Variants in ZNF462 observed in about 807,000 individuals in gnomAD.
The protein encoded by ZNF462 is zinc finger protein 462.
Under a neutral mutation model 201.9 loss-of-function variants are expected in ZNF462, and 10 were observed. The ratio of observed to expected loss-of-function variants is 0.05; its 90% CI spans 0.03 to 0.08. The LOEUF is 0.08. Among genes scored for constraint, ZNF462 ranks in the 10% least tolerant of loss-of-function variants. The pLI is 1.00. For synonymous variants in ZNF462, 1,227 were observed against 1,193.3 expected (o/e 1.03, Z -0.58); for missense variants, 2,523 against 3,168.3 (o/e 0.80, Z 4.89).
Position 106,923,491 on chromosome 9 carries a change from T to C in ZNF462, c.108T>C (p.Val36=). The C allele has an allele frequency of 6.2e-7, 1 of 1,614,246 alleles. No homozygotes were observed. Among genetic ancestry groups the C allele is most frequent in the Non-Finnish European group, 8.5e-7 (1 of 1,180,046 alleles). Residue 36 remains valine, a synonymous_variant, in exon 2 of 13, where the codon GTT becomes GTC. Coordinates refer to ENST00000277225, the MANE Select transcript of ZNF462 (RefSeq NM_021224.6). The surrounding 1 kb of genome is among the most constrained non-coding windows in gnomAD (Gnocchi z 5.6). ...CGGCATTTCTGCAGCCAACTGATGT[T>C]GCTGAGGACAATGTGAATGAGCTAC... is the stretch of plus-strand genomic sequence containing the variant. ...VHTAFLQPTD[V]AEDNVNELRC... is the part of the protein sequence containing the mutation.
intron 9 of ZNF462, among the ~76,000 whole-genome samples, chr9:106,983,750 C>A (rs1444448737): frequency 6.6e-6 from 1 of 152,160 alleles, no homozygotes; most frequent in Non-Finnish European, 1.5e-5. Flanking sequence ...TGGTGAATGT[C>A]AGTTTCTTTC....
chr9:106,982,713 C>T (rs367811253), intron 9 of ZNF462, among the ~76,000 whole-genome samples: 3 of 152,182 alleles, frequency 2.0e-5, no homozygotes, highest in African/African-American at 4.8e-5. Flanking sequence ...CCACCTTCCA[C>T]GCTTCCTCTG....
At position 106,870,011 on chromosome 9, in the gene ZNF462, G is replaced by A. The variant is rs1178256595; in HGVS notation, c.-31+6656G>A. Among the ~76,000 whole-genome samples the A allele has an allele frequency of 6.6e-6, 1 of 152,130 alleles. No individual in the cohort carries two copies. Among genetic ancestry groups the A allele is most frequent in the Non-Finnish European group, 1.5e-5 (1 of 68,026 alleles). ...AATTTGGATTTACATTTTGTGCTTG[G>A]AAATGCTATCATAAAATTTATCTTT... On this transcript the variant is annotated intron_variant, in intron 1 of 12. Coordinates refer to ENST00000277225, the MANE Select transcript of ZNF462 (RefSeq NM_021224.6). This position sits in a 1 kb window ranked among gnomAD's most constrained non-coding sequence, Gnocchi z 4.3.
At chr9:106,874,936 G>A (rs1383086548) in intron 1 of ZNF462, among the ~76,000 whole-genome samples, 2 of 152,220 alleles carry the variant, frequency 1.3e-5, no homozygotes, top group African/African-American at 4.8e-5. Flanking sequence ...AGTGTTAAAT[G>A]TTAGGTGATT....
chr9:106,993,570 G>T lies in ZNF462; in HGVS notation c.7056+9161G>T, dbSNP rs756560648. On this transcript the variant is annotated intron_variant, in intron 10 of 12. Coordinates refer to ENST00000277225, the MANE Select transcript of ZNF462 (RefSeq NM_021224.6). This position sits in a 1 kb window ranked among gnomAD's most constrained non-coding sequence, Gnocchi z 4.0. ...CCCTGTCTGTTTTTAATCTCAGTGG[G>T]TCCTCTAGAAGGTTGACTAGTGTAG... 1.3e-5 allele frequency among the ~76,000 whole-genome samples: 2 copies of T among 151,674 alleles called. No individual in the cohort carries two copies. The highest frequency in any genetic ancestry group is 2.4e-5 in the African/African-American group (1 of 41,286).
rs529550404 is a variant in ZNF462, at chr9:106,922,211, A to T, written c.-30-1143A>T. Among the ~76,000 whole-genome samples, 335 of 152,338 alleles carry T rather than the reference A, an allele frequency of 2.2e-3. 3 individuals carry two copies. Among genetic ancestry groups the T allele is most frequent in the African/African-American group, 7.8e-3 (325 of 41,574 alleles). On this transcript the variant is annotated intron_variant, in intron 1 of 12. Transcript: ENST00000277225. ...GGACATCTGGTTCTAGATTACAGTG[A>T]CTCAGTAGAGTTTGTGATGATCTTA...
At chr9:106,907,076 T>G (rs1381331121) in intron 1 of ZNF462, among the ~76,000 whole-genome samples, 1 of 152,174 alleles carries the variant, frequency 6.6e-6, no homozygotes, top group Non-Finnish European at 1.5e-5. Context: ...ATTTTCTTTT[T>G]TGACATTTTA....
chr9:106,925,561 C>T lies in ZNF462; in HGVS notation c.1649C>T (p.Pro550Leu), dbSNP rs765625186. The change falls in exon 3 of 13, where the codon CCG becomes CTG. Residue 550 changes from proline to leucine, a missense_variant. Transcript: ENST00000277225. This position sits in a 1 kb window ranked among gnomAD's most constrained non-coding sequence, Gnocchi z 7.9. The stretch of plus-strand genomic sequence containing the variant: ...CCACCGCAGCCACCACCACCGCCGC[C>T]GCCACCACCACCATCACAGCCACAG... ...QQPPQPPPPP[P>L]PPPPSQPQPL... 9.9e-6 allele frequency: 16 copies of T among 1,612,270 alleles called. No homozygotes were observed. The highest frequency in any genetic ancestry group is 1.4e-5 in the Non-Finnish European group (16 of 1,179,254).
chr9:106,863,266 C>T lies in ZNF462; in HGVS notation c.-120C>T. On this transcript the variant is annotated 5_prime_UTR_variant, in exon 1 of 13. Transcript: ENST00000277225. ...CCCAAACAACTTCCACAACAATAAC[C>T]CGAGCAGGAAGAGGAGAAAGAGAAA... 2.5e-6 allele frequency: 1 copy of T among 399,156 alleles called. No individual in the cohort carries two copies. The highest frequency in any genetic ancestry group is 4.4e-6 in the Non-Finnish European group (1 of 226,256). 24.7% of individuals were successfully genotyped at this position (399,156 alleles called of 1,614,324 possible). A position where few individuals can be genotyped will look rare whatever the true frequency, so the allele number is the denominator to read the frequency against.
chr9:106,991,288 TAAG>T (rs888762755), intron 10 of ZNF462, among the ~76,000 whole-genome samples: 13 of 151,982 alleles, frequency 8.6e-5, no homozygotes, highest in Admixed American at 3.3e-4. Flanking sequence ...AATGAAATTT[TAAG>T]AAGATCAGTT....
At chr9:106,944,050 T>C (rs141090191) in intron 7 of ZNF462, among the ~76,000 whole-genome samples, 192 of 152,288 alleles carry the variant, frequency 1.3e-3, no homozygotes, top group African/African-American at 4.5e-3. Context: ...AAGCTGAAGG[T>C]TGAGACAGGG....
rs1314520899 is a variant in ZNF462, at chr9:106,974,881, A to G, written c.6832+608A>G. 2 of 153,538 alleles carry G rather than the reference A, an allele frequency of 1.3e-5. No individual in the cohort carries two copies. Among genetic ancestry groups the G allele is most frequent in the Admixed American group, 1.3e-4 (2 of 15,612 alleles). The allele number at this position is 153,538 out of a possible 1,614,324, so 9.5% of individuals were successfully genotyped here. Reference sequence around the variant, plus strand: ...ACCTCTCCATCCATTAAAAGAGATGATTGTACCTATGAGATAATGGGTAAA... The same window carrying G: ...ACCTCTCCATCCATTAAAAGAGATGGTTGTACCTATGAGATAATGGGTAAA... On this transcript the variant is annotated intron_variant, in intron 9 of 12. Transcript: ENST00000277225. This position sits in a 1 kb window ranked among gnomAD's most constrained non-coding sequence, Gnocchi z 4.0.
At position 106,900,089 on chromosome 9, in the gene ZNF462, G is replaced by A. The variant is rs149915232; in HGVS notation, c.-30-23265G>A. ...CTCCCAAATATCAGTGAGAACATAC[G>A]ATGTTTGGTTTTCCATTCCTGAGTT... On this transcript the variant is annotated intron_variant, in intron 1 of 12. Coordinates refer to ENST00000277225, the MANE Select transcript of ZNF462 (RefSeq NM_021224.6). 6.4e-3 allele frequency among the ~76,000 whole-genome samples: 974 copies of A among 151,614 alleles called. 14 individuals carry two copies. Among genetic ancestry groups the A allele is most frequent in the African/African-American group, 0.023 (945 of 41,268 alleles).
chr9:106,929,518 A>T lies in ZNF462; in HGVS notation c.5606A>T (p.His1869Leu). Residue 1869 changes from histidine to leucine, a missense_variant, in exon 3 of 13, where the codon CAC (histidine) becomes CTC (leucine). Physicochemically the swap from His to Leu is moderately conservative, Grantham distance 99 (BLOSUM62 -3). Around this residue, in one of 15 missense-constraint regions of ZNF462, gnomAD observed 207 missense variants for 231.6 expected, o/e 0.89. Transcript: ENST00000277225. This position sits in a 1 kb window ranked among gnomAD's most constrained non-coding sequence, Gnocchi z 8.7. ...AELLCMHYTD[H>L]HSRDLKRDFI... is the part of the protein sequence containing the mutation. The stretch of plus-strand genomic sequence containing the variant: ...CTGCTGTGCATGCATTACACTGACC[A>T]CCACAGTCGGGACCTAAAGAGGGAC... 6.2e-7 allele frequency: 1 copy of T among 1,614,066 alleles called. No individual in the cohort carries two copies. Among genetic ancestry groups the T allele is most frequent in the Non-Finnish European group, 8.5e-7 (1 of 1,180,016 alleles).
At chr9:106,908,918 TATATATATATATATATATATATA>T (rs1418165238) in intron 1 of ZNF462, among the ~76,000 whole-genome samples, 4 of 21,262 alleles carry the variant, frequency 1.9e-4, no homozygotes, top group African/African-American at 3.7e-4. Flanking sequence ...TACATATATA[TATATATATATATATATATATATA>T]TTTTTTTTTT....
chr9:106,946,786 T>C (rs531183617), intron 7 of ZNF462, among the ~76,000 whole-genome samples: 2 of 151,994 alleles, frequency 1.3e-5, no homozygotes, highest in African/African-American at 4.8e-5. Context: ...GTGGGCAACA[T>C]AGCAAGATCC....
At chr9:106,986,797 C>T (rs1827866936) in intron 10 of ZNF462, among the ~76,000 whole-genome samples, 1 of 152,032 alleles carries the variant, frequency 6.6e-6, no homozygotes, top group Admixed American at 6.6e-5. Flanking sequence ...CCCCAAAGTC[C>T]ATTGTATTAT....
intron 1 of ZNF462, among the ~76,000 whole-genome samples, chr9:106,864,095 T>TCTCTCTCC (rs1827205989): frequency 8.8e-6 from 1 of 113,580 alleles, no homozygotes; most frequent in African/African-American, 3.5e-5. Flanking sequence ...TCTCTCTCTC[T>TCTCTCTCC]CTCTCTCTCT....
At chr9:106,961,930 G>T (rs1206493980) in intron 7 of ZNF462, among the ~76,000 whole-genome samples, 1 of 151,956 alleles carries the variant, frequency 6.6e-6, no homozygotes, top group Non-Finnish European at 1.5e-5. Flanking sequence ...GGGGGAAAAG[G>T]CATAAAAAGT....
Sources: allele counts gnomAD v4.1 joint callset (sites outside exome capture counted in the v4.1 genomes callset), GRCh38; gene constraint gnomAD v4.1.1; regional missense constraint gnomAD v4.1.1; non-coding constraint Gnocchi (gnomAD v3.1); transcripts MANE v1.5; gene names NCBI Gene and HGNC (gene_info 2026-07-23, HGNC 2026-07-21).